CHID1: variants seen among roughly 807,000 people sequenced by gnomAD.
CHID1 encodes chitinase domain-containing protein 1.
Under a neutral mutation model 55.4 loss-of-function variants are expected in CHID1, and 44 were observed. The observed-to-expected ratio is 0.79, with a 90% CI of 0.62 to 1.02. The LOEUF (loss-of-function observed/expected upper bound fraction) is 1.02, where lower values mean the gene tolerates loss of function less well. CHID1 is among the 50% of genes least tolerant of loss of function. The pLI is 0.00. For synonymous variants in CHID1, 216 were observed against 212.9 expected (o/e 1.01, Z -0.13); for missense variants, 491 against 515.3 (o/e 0.95, Z 0.46).
At chr11:895,841 AGCCTGGATACT>A (rs1190628450) in intron 7 of CHID1, among the ~76,000 whole-genome samples, 1 of 152,052 alleles carries the variant, frequency 6.6e-6, no homozygotes, top group African/African-American at 2.4e-5. Flanking sequence ...TGCTCTGAGG[AGCCTGGATACT>A]GCCTGCCCCT....
chr11:912,359 C>T (rs1289809774), upstream of CHID1, among the ~76,000 whole-genome samples: 1 of 152,142 alleles, frequency 6.6e-6, no homozygotes, highest in African/African-American at 2.4e-5. Context: ...AGGGTTCACT[C>T]TGGGCCAGAA....
At chr11:870,561 C>T in intron 10 of CHID1, 62 bp from the exon 11 acceptor site, 3 of 1,222,458 alleles carry the variant, frequency 2.5e-6, no homozygotes, top group Non-Finnish European at 3.5e-6. Context: ...CCACCCTGTA[C>T]CCCCAAAGGC....
At chr11:870,534 C>T in intron 10 of CHID1, 35 bp from the exon 11 acceptor site, 2 of 1,461,826 alleles carry the variant, frequency 1.4e-6, no homozygotes, top group Non-Finnish European at 1.9e-6. Context: ...GGGAGCCCAC[C>T]CAGCTCCCCC....
chr11:870,166 G>A lies in CHID1; in HGVS notation c.1041-3C>T, dbSNP rs776443991. ...CGACGTGCCTCCCACTGCGGCTCCT[G>A]CAAGACAAAGGGACTGTCAGCCCAT... On this transcript the variant is annotated splice_region_variant and splice_polypyrimidine_tract_variant and intron_variant, in intron 11 of 12. Coordinates refer to ENST00000323578, the MANE Select transcript of CHID1 (RefSeq NM_023947.4). The A allele has an allele frequency of 1.2e-6, 2 of 1,613,150 alleles. No individual in the cohort carries two copies. Among genetic ancestry groups the A allele is most frequent in the South Asian group, 2.2e-5 (2 of 91,092 alleles).
intron 3 of CHID1, among the ~76,000 whole-genome samples, 195 bp from the exon 4 acceptor site, chr11:902,525 G>A (rs898125813): frequency 6.6e-6 from 1 of 152,164 alleles, no homozygotes; most frequent in Non-Finnish European, 1.5e-5. Context: ...TGGGACCCAG[G>A]CCACGACATC....
chr11:905,794 AG>A (rs1289170788), intron 1 of CHID1, among the ~76,000 whole-genome samples: 1 of 152,230 alleles, frequency 6.6e-6, no homozygotes, highest in Non-Finnish European at 1.5e-5. Context: ...AGGGTGGAGA[AG>A]GCTTTTCCAG....
chr11:879,088 C>T (rs371731427), intron 10 of CHID1, among the ~76,000 whole-genome samples: 19 of 152,166 alleles, frequency 1.2e-4, no homozygotes, highest in Non-Finnish European at 2.2e-4. Context: ...CCTTGTGATC[C>T]GCCCACCTCG....
chr11:889,349 G>A (rs747311777), intron 8 of CHID1, among the ~76,000 whole-genome samples: 1 of 152,060 alleles, frequency 6.6e-6, no homozygotes, highest in South Asian at 2.1e-4. Context: ...TCCCTCGGCC[G>A]ACCAGCTGCC....
intron 4 of CHID1, 74 bp downstream of exon 4, chr11:902,124 A>T: frequency 6.3e-7 from 1 of 1,578,134 alleles, no homozygotes; most frequent in South Asian, 1.1e-5. Context: ...ACTCACACAC[A>T]CACACCCCTG....
intron 1 of CHID1, among the ~76,000 whole-genome samples, chr11:906,831 C>A (rs1381063478): frequency 1.3e-5 from 2 of 151,824 alleles, no homozygotes; most frequent in Admixed American, 1.3e-4. Context: ...GAGTTCGAGA[C>A]CAGCCTGACC....
intron 8 of CHID1, among the ~76,000 whole-genome samples, chr11:886,848 C>A (rs965885753): frequency 2.0e-5 from 3 of 152,210 alleles, no homozygotes; most frequent in Non-Finnish European, 4.4e-5. Flanking sequence ...GGTTCCATCC[C>A]AGCCTGGCTG....
At chr11:883,691 C>A (rs1850173153) in intron 9 of CHID1, among the ~76,000 whole-genome samples, 1 of 152,266 alleles carries the variant, frequency 6.6e-6, no homozygotes, top group Non-Finnish European at 1.5e-5. Context: ...GGAAGGAGGT[C>A]AGCAGACACA....
intron 1 of CHID1, among the ~76,000 whole-genome samples, chr11:909,631 T>C (rs1024413662): frequency 2.0e-5 from 3 of 152,348 alleles, no homozygotes; most frequent in East Asian, 3.9e-4. Context: ...TGTGTGTACA[T>C]GTGTAGAGCG....
At chr11:888,720 T>C (rs1490057359) in intron 8 of CHID1, among the ~76,000 whole-genome samples, 4 of 152,122 alleles carry the variant, frequency 2.6e-5, no homozygotes, top group African/African-American at 4.8e-5. Context: ...GTGGGCCCCA[T>C]GCAGGCAGCG....
chr11:882,588 G>C (rs528079834), intron 10 of CHID1: 1 of 153,654 alleles, frequency 6.5e-6, no homozygotes, highest in East Asian at 1.9e-4. Flanking sequence ...ATATTCCTAC[G>C]AGCAGGGAGG....
rs750208434 is a variant in CHID1 at position 884,169 on chromosome 11, C to T, written c.702G>A (p.Gly234=). Residue 234 remains glycine, a splice_region_variant and synonymous_variant, in exon 9 of 13, where the codon GGG becomes GGA. Transcript: ENST00000323578. ...GCGTGAACATGCCCAGCTGGTCGGT[C>T]CTGTAACAGACAGGTGCAGCCACCT... ...LLVIPPAITP[G]TDQLGMFTHK... is the part of the protein sequence containing the mutation. 5 of 1,613,430 alleles carry T rather than the reference C, an allele frequency of 3.1e-6. No homozygotes were observed. The highest frequency in any genetic ancestry group is 2.7e-5 in the African/African-American group (2 of 74,934).
intron 8 of CHID1, among the ~76,000 whole-genome samples, chr11:891,689 G>A (rs548476363): frequency 8.5e-5 from 13 of 152,262 alleles, no homozygotes; most frequent in South Asian, 4.1e-4. Context: ...CTGCTGCCCC[G>A]AGGAATCTTC....
intron 1 of CHID1, among the ~76,000 whole-genome samples, chr11:909,681 G>A (rs772157406): frequency 2.6e-5 from 4 of 152,236 alleles, no homozygotes; most frequent in Admixed American, 6.5e-5. Context: ...TGCGATGGAC[G>A]CACTGACAAC....
intron 2 of CHID1, 44 bp from the exon 3 acceptor site, chr11:903,155 C>T (rs1851949026): frequency 6.3e-7 from 1 of 1,589,252 alleles, no homozygotes; most frequent in Non-Finnish European, 8.5e-7. Flanking sequence ...CATCTGTCCA[C>T]AGTGTAGAGC....
Sources: allele counts gnomAD v4.1 joint callset (sites outside exome capture counted in the v4.1 genomes callset), GRCh38; gene constraint gnomAD v4.1.1; transcripts MANE v1.5; gene names NCBI Gene and HGNC (gene_info 2026-07-23, HGNC 2026-07-21).